Variants in AIG1 observed in about 807,000 individuals in gnomAD.
The protein encoded by AIG1 is androgen-induced gene 1 protein.
A neutral mutation model predicts 31.4 loss-of-function variants in AIG1; 23 were observed. The observed-to-expected ratio is 0.73, with a 90% CI of 0.53 to 1.04. AIG1 has a LOEUF of 1.04. Among genes scored for constraint, AIG1 ranks in the 50% least tolerant of loss-of-function variants. The probability of loss-of-function intolerance (pLI) is 0.00; values close to 1 mark genes in which losing one functional copy is unlikely to be tolerated. For synonymous variants in AIG1, 100 were observed against 110.5 expected, an observed-to-expected ratio of 0.90 and a Z score of 0.60; for missense variants, 274 against 295.0, an observed-to-expected ratio of 0.93 and a Z score of 0.52.
rs774261321 is a variant in AIG1, at chr6:143,335,116, C to T, written c.679+1671C>T. 1.3e-5 allele frequency: 19 copies of T among 1,429,372 alleles called. No homozygotes were observed. The South Asian group carries it at 3.3e-4, about 25-fold the overall frequency. 88.5% of individuals were successfully genotyped at this position (1,429,372 alleles called of 1,614,324 possible). On this transcript the variant is annotated intron_variant, in intron 5 of 5. Coordinates refer to ENST00000357847, the MANE Select transcript of AIG1 (RefSeq NM_016108.4). ...GTTCCACAAAGACAGATGTTTTGTG[C>T]CAAGTAAGTATCATCCTCATTTACA...
intron 2 of AIG1, among the ~76,000 whole-genome samples, chr6:143,150,796 A>T (rs568961930): frequency 2.6e-5 from 4 of 152,234 alleles, no homozygotes; most frequent in Admixed American, 2.6e-4. Flanking sequence ...TTCACAGATC[A>T]GCGTCAAAGC....
At chr6:143,071,771 T>A (rs1777300439) in intron 1 of AIG1, among the ~76,000 whole-genome samples, 1 of 151,710 alleles carries the variant, frequency 6.6e-6, no homozygotes, top group African/African-American at 2.4e-5. Flanking sequence ...TCTTTTTTTT[T>A]CTTTTCTTGT....
At position 143,325,120 on chromosome 6, in the gene AIG1, A is replaced by C. The variant is rs1032703854; in HGVS notation, c.516-8162A>C. 6.6e-6 allele frequency among the ~76,000 whole-genome samples: 1 copy of C among 152,186 alleles called. No individual in the cohort carries two copies. Among genetic ancestry groups the C allele is most frequent in the Non-Finnish European group, 1.5e-5 (1 of 68,024 alleles). On this transcript the variant is annotated intron_variant, in intron 4 of 5. Coordinates refer to ENST00000357847, the MANE Select transcript of AIG1 (RefSeq NM_016108.4). The surrounding 1 kb of genome is among the most constrained non-coding windows in gnomAD (Gnocchi z 4.3). ...CAAACCAGTTTTCTAATAATTCTCT[A>C]TGAAGACCCTGTGCTAATAGATGCT... is the stretch of plus-strand genomic sequence containing the variant.
chr6:143,242,355 T>C (rs966615154), intron 3 of AIG1, among the ~76,000 whole-genome samples: 1 of 152,222 alleles, frequency 6.6e-6, no homozygotes, highest in Admixed American at 6.5e-5. Context: ...CCTTCTATAA[T>C]AACAACCATA....
rs1219533288 is a variant in AIG1 at position 143,280,901 on chromosome 6, TGCTA to T, written c.400-3204_400-3201del. ...AAGTTAAAAAAAAGTTCTGACTTTA[TGCTA>T]GCTAATGTTATTGTTTATTATTATT... is the stretch of plus-strand genomic sequence containing the variant. On this transcript the variant is annotated intron_variant, in intron 3 of 5. Transcript: ENST00000357847. This position sits in a 1 kb window ranked among gnomAD's most constrained non-coding sequence, Gnocchi z 4.1. Among the ~76,000 whole-genome samples the T allele has an allele frequency of 6.6e-6, 1 of 152,234 alleles. No individual in the cohort carries two copies. The highest frequency in any genetic ancestry group is 1.5e-5 in the Non-Finnish European group (1 of 68,038).
intron 1 of AIG1, among the ~76,000 whole-genome samples, chr6:143,128,286 T>C (rs1252730873): frequency 6.6e-6 from 1 of 152,186 alleles, no homozygotes; most frequent in Non-Finnish European, 1.5e-5. Flanking sequence ...GTAAATCAGC[T>C]ATGATTTCCT....
chr6:143,230,054 A>G (rs1360816934), intron 3 of AIG1, among the ~76,000 whole-genome samples: 5 of 152,152 alleles, frequency 3.3e-5, no homozygotes, highest in Non-Finnish European at 5.9e-5. Context: ...TTTACCCTCA[A>G]ACGTGGAGAT....
intron 3 of AIG1, among the ~76,000 whole-genome samples, chr6:143,166,838 C>T (rs984474620): frequency 2.6e-5 from 4 of 152,100 alleles, no homozygotes; most frequent in African/African-American, 4.8e-5. Context: ...ATCTCAGAAA[C>T]CTTATATAAT....
intron 1 of AIG1, among the ~76,000 whole-genome samples, chr6:143,065,752 C>T (rs1182131777): frequency 6.6e-6 from 1 of 152,142 alleles, no homozygotes; most frequent in African/African-American, 2.4e-5. Flanking sequence ...AATGTATCAA[C>T]CAGAACATTA....
rs1375289958 is a variant in AIG1 at position 143,252,235 on chromosome 6, TCA to T, written c.400-31874_400-31873del. On this transcript the variant is annotated intron_variant, in intron 3 of 5. Coordinates refer to ENST00000357847, the MANE Select transcript of AIG1 (RefSeq NM_016108.4). ...CCCATGTTCAAGCGATTCTCCCGCCTCAGTCTCCCGAGTAGCTGGGATTACAG... is the reference window on the plus strand; with the variant it reads ...CCCATGTTCAAGCGATTCTCCCGCCTGTCTCCCGAGTAGCTGGGATTACAG... 5.3e-5 allele frequency among the ~76,000 whole-genome samples: 8 copies of T among 152,336 alleles called. No homozygotes were observed. In the East Asian group the frequency reaches 1.5e-3, roughly 29 times the overall value.
chr6:143,196,350 AACACACACACACACACACACAC>A (rs71784011), intron 3 of AIG1, among the ~76,000 whole-genome samples: 5 of 141,720 alleles, frequency 3.5e-5, no homozygotes, highest in Admixed American at 2.1e-4. Context: ...CAACAAAAGC[AACACACACACACACACACACAC>A]ACACACACAC....
chr6:143,168,722 G>A (rs1396314858), intron 3 of AIG1, among the ~76,000 whole-genome samples: 1 of 151,942 alleles, frequency 6.6e-6, no homozygotes, highest in Non-Finnish European at 1.5e-5. Flanking sequence ...GGGATTGCTT[G>A]AGCCCATGAG....
intron 3 of AIG1, among the ~76,000 whole-genome samples, chr6:143,261,804 A>C (rs1204300163): frequency 1.3e-5 from 2 of 152,248 alleles, no homozygotes; most frequent in Non-Finnish European, 2.9e-5. Context: ...CTCTAGTTAA[A>C]GATACTCTAA....
At chr6:143,069,697 C>T (rs442712) in intron 1 of AIG1, among the ~76,000 whole-genome samples, 5 of 152,084 alleles carry the variant, frequency 3.3e-5, no homozygotes, top group Admixed American at 1.3e-4. Context: ...TTTATGTTTG[C>T]CAAATGAAAG....
At chr6:143,065,772 A>G (rs534319254) in intron 1 of AIG1, among the ~76,000 whole-genome samples, 2 of 152,374 alleles carry the variant, frequency 1.3e-5, no homozygotes, top group East Asian at 1.9e-4. Context: ...ATTCATATGT[A>G]TATGGTAGAG....
chr6:143,061,111 TGTGTGC>T (rs1165845669), intron 1 of AIG1, 45 bp downstream of exon 1: 12 of 1,582,746 alleles, frequency 7.6e-6, no homozygotes, highest in South Asian at 1.1e-5. Flanking sequence ...CCCGTGCCTG[TGTGTGC>T]GTGTGTGTGT....
At position 143,284,229 on chromosome 6, in the gene AIG1, A is replaced by G. The variant is rs535650203; in HGVS notation, c.515+4A>G. Reference sequence around the variant, plus strand: ...TCTCTGTTGGCTATATATTATGGTAAGGACCATGCCTGCTGGGCTTTCTTA... The same window carrying G: ...TCTCTGTTGGCTATATATTATGGTAGGGACCATGCCTGCTGGGCTTTCTTA... On this transcript the variant is annotated splice_donor_region_variant and intron_variant, in intron 4 of 5. Coordinates refer to ENST00000357847, the MANE Select transcript of AIG1 (RefSeq NM_016108.4). The surrounding 1 kb of genome is among the most constrained non-coding windows in gnomAD (Gnocchi z 4.4). The G allele has an allele frequency of 6.3e-7, 1 of 1,598,662 alleles. No homozygotes were observed. The highest frequency in any genetic ancestry group is 8.6e-7 in the Non-Finnish European group (1 of 1,166,746).
chr6:143,314,826 C>T (rs952747296), intron 4 of AIG1, among the ~76,000 whole-genome samples: 1 of 152,176 alleles, frequency 6.6e-6, no homozygotes, highest in South Asian at 2.1e-4. Flanking sequence ...CATAAACACA[C>T]TCTTTGAGGA....
At chr6:143,101,809 A>C (rs1022958349) in intron 1 of AIG1, among the ~76,000 whole-genome samples, 1 of 152,218 alleles carries the variant, frequency 6.6e-6, no homozygotes, top group Admixed American at 6.5e-5. Flanking sequence ...CAATGGAAAT[A>C]AGAAATTAAT....
Sources: gnomAD v4.1 joint callset for allele counts (sites outside exome capture counted in the v4.1 genomes callset) on GRCh38, gnomAD v4.1.1 for gene constraint, Gnocchi (gnomAD v3.1) non-coding constraint, MANE v1.5 for transcripts, NCBI Gene and HGNC (gene_info 2026-07-23, HGNC 2026-07-21) for gene names.